CMTM8: variants seen among roughly 807,000 people sequenced by gnomAD.
The protein encoded by CMTM8 is CKLF-like MARVEL transmembrane domain-containing protein 8.
Under a neutral mutation model 18.6 loss-of-function variants are expected in CMTM8, and 12 were observed. That is an observed-to-expected ratio of 0.65 (90% CI 0.41 to 1.05). The LOEUF (loss-of-function observed/expected upper bound fraction) is 1.05, where lower values mean the gene tolerates loss of function less well. CMTM8 is among the 50% of genes least tolerant of loss of function. The pLI is 0.00. For synonymous variants in CMTM8, 87 were observed against 90.6 expected, an observed-to-expected ratio of 0.96 and a Z score of 0.23; for missense variants, 217 against 227.2, an observed-to-expected ratio of 0.95 and a Z score of 0.29.
chr3:32,316,558 T>C (rs1366256044), intron 1 of CMTM8, among the ~76,000 whole-genome samples: 3 of 152,340 alleles, frequency 2.0e-5, no homozygotes, highest in African/African-American at 7.2e-5. Flanking sequence ...TTGAAAGGTT[T>C]GTGGCTAAAC....
At chr3:32,330,825 T>C (rs1334265334) in intron 1 of CMTM8, among the ~76,000 whole-genome samples, 1 of 152,194 alleles carries the variant, frequency 6.6e-6, no homozygotes, top group Non-Finnish European at 1.5e-5. Context: ...CCTGACACCA[T>C]GTATAAAAAT....
intron 2 of CMTM8, among the ~76,000 whole-genome samples, chr3:32,367,008 T>C (rs902778748): frequency 6.6e-6 from 1 of 152,200 alleles, no homozygotes; most frequent in East Asian, 1.9e-4. Context: ...TTTTTTTCTC[T>C]GAGAAGAAAG....
intron 2 of CMTM8, among the ~76,000 whole-genome samples, chr3:32,365,466 G>C (rs1697017321): frequency 6.6e-6 from 1 of 151,926 alleles, no homozygotes; most frequent in South Asian, 2.1e-4. Flanking sequence ...TTGTTTTTGA[G>C]ATGGAGTCTC....
intron 1 of CMTM8, among the ~76,000 whole-genome samples, chr3:32,298,926 T>C (rs1433154261): frequency 6.6e-4 from 88 of 134,158 alleles, no homozygotes; most frequent in South Asian, 1.8e-3. Context: ...CACACACACA[T>C]ATATATATAT....
intron 1 of CMTM8, among the ~76,000 whole-genome samples, chr3:32,270,723 G>A (rs1290419191): frequency 6.6e-6 from 1 of 152,158 alleles, no homozygotes; most frequent in Non-Finnish European, 1.5e-5. Context: ...CCTGTTGTGG[G>A]GTGGGGGGAG....
At chr3:32,316,630 T>C (rs1695937644) in intron 1 of CMTM8, among the ~76,000 whole-genome samples, 2 of 152,040 alleles carry the variant, frequency 1.3e-5, no homozygotes, top group Admixed American at 1.3e-4. Flanking sequence ...GAATATCAAG[T>C]GAAAGCTGCA....
intron 1 of CMTM8, among the ~76,000 whole-genome samples, chr3:32,299,122 C>A (rs1167509530): frequency 6.6e-6 from 1 of 151,742 alleles, no homozygotes; most frequent in Admixed American, 6.6e-5. Flanking sequence ...TGGGATCACA[C>A]CTCAAAGAGT....
intron 1 of CMTM8, among the ~76,000 whole-genome samples, chr3:32,329,043 A>G (rs1182949542): frequency 6.6e-6 from 1 of 152,218 alleles, no homozygotes; most frequent in Non-Finnish European, 1.5e-5. Flanking sequence ...AAGATACTAT[A>G]CTACAAACCA....
chr3:32,259,423 T>C, intron 1 of CMTM8: 1 of 858,300 alleles, frequency 1.2e-6, no homozygotes, highest in East Asian at 2.4e-5. Flanking sequence ...TTGCTGCTGA[T>C]GACTTTAGAG....
At chr3:32,259,743 A>G in intron 1 of CMTM8, 1 of 970,016 alleles carries the variant, frequency 1.0e-6, no homozygotes, top group South Asian at 1.3e-5. Flanking sequence ...GAGCTGGACA[A>G]GTACTGGTCT....
At chr3:32,346,502 A>G (rs1320213413) in intron 1 of CMTM8, among the ~76,000 whole-genome samples, 1 of 152,224 alleles carries the variant, frequency 6.6e-6, no homozygotes, top group Non-Finnish European at 1.5e-5. Context: ...ACAGCAGGGT[A>G]GGTGTCTGGT....
intron 1 of CMTM8, among the ~76,000 whole-genome samples, chr3:32,262,408 G>A (rs1702270996): frequency 6.6e-6 from 1 of 152,174 alleles, no homozygotes; most frequent in African/African-American, 2.4e-5. Flanking sequence ...CCAGCCTCTA[G>A]TGAGCAGTAA....
At chr3:32,257,138 G>A (rs570621741) in intron 1 of CMTM8, among the ~76,000 whole-genome samples, 5 of 152,090 alleles carry the variant, frequency 3.3e-5, no homozygotes, top group African/African-American at 9.7e-5. Context: ...CACTATGCCC[G>A]GCTAATTTGT....
intron 1 of CMTM8, among the ~76,000 whole-genome samples, chr3:32,245,750 T>G (rs959020483): frequency 4.6e-5 from 7 of 152,178 alleles, no homozygotes; most frequent in African/African-American, 1.7e-4. Flanking sequence ...GTGAACATAG[T>G]TTCCATTTCA....
intron 1 of CMTM8, among the ~76,000 whole-genome samples, chr3:32,254,145 C>T (rs1043362524): frequency 5.3e-5 from 8 of 152,196 alleles, no homozygotes; most frequent in Non-Finnish European, 1.2e-4. Flanking sequence ...CCACCCACCT[C>T]GGTCTCCCAA....
intron 1 of CMTM8, among the ~76,000 whole-genome samples, chr3:32,261,787 G>C (rs1050343506): frequency 6.6e-6 from 1 of 152,184 alleles, no homozygotes; most frequent in Non-Finnish European, 1.5e-5. Flanking sequence ...GTGGAGTTCA[G>C]TGTGAAACAA....
At chr3:32,312,742 C>G (rs1310698346) in intron 1 of CMTM8, among the ~76,000 whole-genome samples, 1 of 151,722 alleles carries the variant, frequency 6.6e-6, no homozygotes, top group Non-Finnish European at 1.5e-5. Flanking sequence ...AAGGTTCTAA[C>G]CCTCTAATCA....
In CMTM8 at chr3:32,352,849, G is replaced by A. The variant is rs891237825; in HGVS notation, c.148-4524G>A. Among the ~76,000 whole-genome samples, 5 of 145,332 alleles carry A rather than the reference G, an allele frequency of 3.4e-5. No homozygotes were observed. In the South Asian group the frequency reaches 1.1e-3, roughly 32 times the overall value. On this transcript the variant is annotated intron_variant, in intron 1 of 3. Transcript: ENST00000307526. ...TTTCTTTATACTGTATTTCAATACA[G>A]CAGTGAAAGTTAAAACATAGGTTCT...
At chr3:32,257,312 G>A (rs919604413) in intron 1 of CMTM8, among the ~76,000 whole-genome samples, 1 of 152,118 alleles carries the variant, frequency 6.6e-6, no homozygotes, top group African/African-American at 2.4e-5. Context: ...CACTTTTTGG[G>A]CTCTTTATAA....
Sources: gnomAD v4.1 joint callset for allele counts (sites outside exome capture counted in the v4.1 genomes callset) on GRCh38, gnomAD v4.1.1 for gene constraint, MANE v1.5 for transcripts, NCBI Gene and HGNC (gene_info 2026-07-23, HGNC 2026-07-21) for gene names.